The following PPP1R12B variants were observed in gnomAD, a reference collection of about 807,000 sequenced individuals.
The protein encoded by PPP1R12B is myosin phosphatase target subunit 2.
A neutral mutation model predicts 126.1 loss-of-function variants in PPP1R12B; 76 were observed. The observed-to-expected ratio is 0.60, with a 90% CI of 0.50 to 0.73. The LOEUF is 0.73. Ranked by LOEUF, PPP1R12B falls within the 30% of genes least tolerant of loss-of-function variation. PPP1R12B has a pLI of 0.00. For missense variants in PPP1R12B, 1,052 were observed against 1,205.1 expected (o/e 0.87, Z 1.88); for synonymous variants, 356 against 434.7 (o/e 0.82, Z 2.25).
intron 13 of PPP1R12B, among the ~76,000 whole-genome samples, chr1:202,486,688 T>G (rs938987928): frequency 6.6e-6 from 1 of 152,194 alleles, no homozygotes; most frequent in African/African-American, 2.4e-5. Context: ...GCACCTGTAG[T>G]CCCAGCTACT....
chr1:202,546,126 C>T (rs1433870572), intron 18 of PPP1R12B, among the ~76,000 whole-genome samples: 10 of 152,000 alleles, frequency 6.6e-5, no homozygotes, highest in Admixed American at 4.6e-4. Flanking sequence ...TGCAGTATTC[C>T]GGGTGAGAAA....
chr1:202,403,917 C>T (rs1666200367), intron 1 of PPP1R12B, among the ~76,000 whole-genome samples: 1 of 152,132 alleles, frequency 6.6e-6, no homozygotes, highest in Non-Finnish European at 1.5e-5. Context: ...GTTCATTTTA[C>T]CTCAGGGGTA....
intron 18 of PPP1R12B, chr1:202,501,872 C>T (rs1348182893): frequency 3.0e-6 from 3 of 984,960 alleles, no homozygotes; most frequent in Middle Eastern, 5.2e-4. Context: ...GTTACATGTT[C>T]GAATTGACTT....
intron 4 of PPP1R12B, among the ~76,000 whole-genome samples, chr1:202,426,130 C>T (rs1669468388): frequency 6.6e-6 from 1 of 152,144 alleles, no homozygotes; most frequent in Non-Finnish European, 1.5e-5. Context: ...ATGCGATGTC[C>T]AGCTGGCACA....
chr1:202,428,376 G>C lies in PPP1R12B; in HGVS notation c.847-479G>C, dbSNP rs141352997. Among the ~76,000 whole-genome samples, 93 of 152,192 alleles carry C rather than the reference G, an allele frequency of 6.1e-4. No homozygotes were observed. The South Asian group carries it at 0.011, about 18-fold the overall frequency. On this transcript the variant is annotated intron_variant, in intron 5 of 23. Coordinates refer to ENST00000608999, the MANE Select transcript of PPP1R12B (RefSeq NM_002481.4). ...ACCCAGGTTTCATTCTCAGACTGTG[G>C]GTCAGGGTTCTTAATTATGCTGATG...
At chr1:202,439,677 A>T in intron 10 of PPP1R12B, 1 of 644,392 alleles carries the variant, frequency 1.6e-6, no homozygotes, top group South Asian at 1.8e-5. Flanking sequence ...CCCCTTCTCC[A>T]AGTTGGAGGC....
intron 13 of PPP1R12B, among the ~76,000 whole-genome samples, chr1:202,478,632 G>A (rs920735538): frequency 6.6e-6 from 1 of 151,838 alleles, no homozygotes; most frequent in African/African-American, 2.4e-5. Flanking sequence ...ACTATATATA[G>A]TTTGTATAGT....
chr1:202,472,201 A>G, intron 13 of PPP1R12B: 5 of 539,944 alleles, frequency 9.3e-6, no homozygotes, highest in South Asian at 7.2e-5. Flanking sequence ...ACTTACATAT[A>G]TATAGTACTT....
intron 18 of PPP1R12B, among the ~76,000 whole-genome samples, chr1:202,519,885 G>A (rs530326743): frequency 4.3e-4 from 65 of 152,236 alleles, no homozygotes; most frequent in African/African-American, 1.5e-3. Context: ...TGTGTGGAGG[G>A]TTTTTGTTTT....
intron 1 of PPP1R12B, among the ~76,000 whole-genome samples, chr1:202,363,691 A>T (rs1658620703): frequency 6.6e-6 from 1 of 152,220 alleles, no homozygotes; most frequent in East Asian, 1.9e-4. Context: ...GAAGATTATG[A>T]AGTTCCAGGA....
chr1:202,394,383 G>A (rs936265631), intron 1 of PPP1R12B, among the ~76,000 whole-genome samples: 1 of 152,064 alleles, frequency 6.6e-6, no homozygotes, highest in African/African-American at 2.4e-5. Flanking sequence ...TATTTTAGCA[G>A]GATATATTGT....
At position 202,455,143 on chromosome 1, in the gene PPP1R12B, G is replaced by C. The variant is rs139804015; in HGVS notation, c.1850+5972G>C. 4.9e-3 allele frequency among the ~76,000 whole-genome samples: 748 copies of C among 152,284 alleles called. 12 individuals are homozygous for C. The highest frequency in any genetic ancestry group is 7.1e-3 in the Non-Finnish European group (485 of 68,024). ...GGCATTGTGACTAAGAGTAAAGAAT[G>C]AGGGAGAGAGGTCTAGGATGAAGCT... On this transcript the variant is annotated intron_variant, in intron 13 of 23. Transcript: ENST00000608999.
chr1:202,571,234 G>A (rs1272168733), intron 23 of PPP1R12B, among the ~76,000 whole-genome samples: 1 of 152,064 alleles, frequency 6.6e-6, no homozygotes, highest in Admixed American at 6.5e-5. Flanking sequence ...TTTTTTCTCT[G>A]TCTCTTTATG....
At chr1:202,414,974 G>A (rs1370986723) in intron 1 of PPP1R12B, among the ~76,000 whole-genome samples, 1 of 151,838 alleles carries the variant, frequency 6.6e-6, no homozygotes, top group East Asian at 1.9e-4. Context: ...GCAGAGATGG[G>A]GTCTGTGTTG....
intron 15 of PPP1R12B, among the ~76,000 whole-genome samples, chr1:202,495,001 G>A (rs901822977): frequency 1.3e-5 from 2 of 151,212 alleles, no homozygotes; most frequent in African/African-American, 4.9e-5. Context: ...TTTTTACATG[G>A]TTAATGCTAT....
intron 1 of PPP1R12B, among the ~76,000 whole-genome samples, chr1:202,367,915 G>T (rs1198469521): frequency 6.6e-6 from 1 of 151,978 alleles, no homozygotes; most frequent in Non-Finnish European, 1.5e-5. Flanking sequence ...GGTCCCTCAT[G>T]GTTTGGTGCT....
At chr1:202,379,525 T>C (rs1661873041) in intron 1 of PPP1R12B, among the ~76,000 whole-genome samples, 1 of 152,252 alleles carries the variant, frequency 6.6e-6, no homozygotes, top group African/African-American at 2.4e-5. Flanking sequence ...CTCATAACTC[T>C]GTCTTCTTGT....
intron 23 of PPP1R12B, chr1:202,575,096 TCTCGGAGTCCATCGAGTC>T (rs1462649477): frequency 6.2e-7 from 1 of 1,613,718 alleles, no homozygotes; most frequent in Admixed American, 1.7e-5. Flanking sequence ...GTGGCCAGAC[TCTCGGAGTCCATCGAGTC>T]CTCGGACACC....
chr1:202,470,732 G>T (rs899338593), intron 13 of PPP1R12B, among the ~76,000 whole-genome samples: 4 of 151,820 alleles, frequency 2.6e-5, no homozygotes, highest in Non-Finnish European at 4.4e-5. Context: ...CATCTCTACA[G>T]AGAATTATAA....
Sources: allele counts gnomAD v4.1 joint callset (sites outside exome capture counted in the v4.1 genomes callset), GRCh38; gene constraint gnomAD v4.1.1; transcripts MANE v1.5; gene names NCBI Gene and HGNC (gene_info 2026-07-23, HGNC 2026-07-21).